Variants in CRYL1 observed in about 807,000 individuals in gnomAD.
CRYL1 encodes the protein lambda-crystallin homolog.
In CRYL1, 29 loss-of-function variants were observed where a neutral mutation model predicts 36.6. The observed-to-expected ratio is 0.79, with a 90% confidence interval of 0.59 to 1.08. The LOEUF is 1.08. Among genes scored for constraint, CRYL1 ranks in the 50% least tolerant of loss-of-function variants. The pLI, the probability that CRYL1 is intolerant of heterozygous loss-of-function variation, is 0.00. For synonymous variants in CRYL1, 152 were observed against 151.5 expected, an observed-to-expected ratio of 1.00 and a Z score of -0.02; for missense variants, 411 against 407.9, an observed-to-expected ratio of 1.01 and a Z score of -0.06.
chr13:20,432,446 T>C, intron 4 of CRYL1, 150 bp from the exon 5 acceptor site: 1 of 546,854 alleles, frequency 1.8e-6, no homozygotes, highest in East Asian at 3.0e-5. Context: ...GAGAAAGAAA[T>C]TTATTCACAA....
rs9552208 is a variant in CRYL1 at position 20,493,127 on chromosome 13, T to C, written c.150-3631A>G. Among the ~76,000 whole-genome samples, 31,578 of 152,250 alleles carry C rather than the reference T, an allele frequency of 0.21. 3,472 individuals carry two copies. Among genetic ancestry groups the C allele is most frequent in the East Asian group, 0.3 (1,555 of 5,166 alleles). On this transcript the variant is annotated intron_variant, in intron 2 of 7. Coordinates refer to ENST00000298248, the MANE Select transcript of CRYL1 (RefSeq NM_015974.3). ...TGGCTGTTACAATCGAAGCTCTAGA[T>C]TAGCAAGACTGAGCAGCCGCCAGCT...
intron 2 of CRYL1, among the ~76,000 whole-genome samples, chr13:20,511,573 A>G (rs564909041): frequency 6.6e-6 from 1 of 152,232 alleles, no homozygotes; most frequent in Non-Finnish European, 1.5e-5. Context: ...TCTTTTCAAA[A>G]TGCAGACAAT....
At chr13:20,430,181 C>A (rs1047754238) in intron 5 of CRYL1, 8 of 984,260 alleles carry the variant, frequency 8.1e-6, no homozygotes, top group Non-Finnish European at 9.7e-6. Context: ...TGTAGATAAT[C>A]CTTATTTTTA....
intron 3 of CRYL1, among the ~76,000 whole-genome samples, chr13:20,482,462 G>C (rs1252965696): frequency 6.6e-6 from 1 of 152,216 alleles, no homozygotes; most frequent in African/African-American, 2.4e-5. Context: ...CAGCTTTTCA[G>C]AGTAAACTTA....
chr13:20,488,762 G>A (rs2033448992), intron 3 of CRYL1, among the ~76,000 whole-genome samples: 1 of 152,226 alleles, frequency 6.6e-6, no homozygotes, highest in African/African-American at 2.4e-5. Context: ...TCTTCAACAG[G>A]GCAGGGCCTG....
intron 5 of CRYL1, among the ~76,000 whole-genome samples, chr13:20,421,882 G>A (rs951907117): frequency 1.3e-5 from 2 of 151,982 alleles, no homozygotes; most frequent in Admixed American, 6.6e-5. Context: ...TGTGGTTGAT[G>A]TTATTTATTT....
chr13:20,469,194 G>T (rs1330913127), intron 3 of CRYL1, among the ~76,000 whole-genome samples: 1 of 152,204 alleles, frequency 6.6e-6, no homozygotes. Context: ...TCCTAAAGCA[G>T]ATGGACCACC....
At chr13:20,517,983 A>T (rs1274169015) in intron 1 of CRYL1, among the ~76,000 whole-genome samples, 2 of 149,000 alleles carry the variant, frequency 1.3e-5, no homozygotes, top group East Asian at 3.9e-4. Context: ...GTATGAATTT[A>T]TTTGTTCAAC....
At chr13:20,426,281 TAAAAA>T (rs35582177) in intron 5 of CRYL1, among the ~76,000 whole-genome samples, 2 of 144,494 alleles carry the variant, frequency 1.4e-5, no homozygotes, top group Non-Finnish European at 3.0e-5. Context: ...TATCTTTATT[TAAAAA>T]AAAAAAAAAA....
At chr13:20,488,973 T>G (rs1477740897) in intron 3 of CRYL1, among the ~76,000 whole-genome samples, 1 of 152,258 alleles carries the variant, frequency 6.6e-6, no homozygotes, top group Non-Finnish European at 1.5e-5. Flanking sequence ...TTTTTGATGA[T>G]GTAAGCTTTT....
Position 20,420,701 on chromosome 13 carries a change from T to TTTTTTTTTTTGTGTGTG in CRYL1, c.634-7315_634-7314insCACACACAAAAAAAAAA. ...CTTTGACTTTTCTTTAAAATAGAGG[T>TTTTTTTTTTTGTGTGTG]TGTGTGTGTGTGTGTGTGTGTGTGT... is the stretch of plus-strand genomic sequence containing the variant. On this transcript the variant is annotated intron_variant, in intron 5 of 7. Coordinates refer to ENST00000298248, the MANE Select transcript of CRYL1 (RefSeq NM_015974.3). 1.6e-3 allele frequency among the ~76,000 whole-genome samples: 34 copies of TTTTTTTTTTTGTGTGTG among 21,872 alleles called. 4 individuals are homozygous for TTTTTTTTTTTGTGTGTG. The highest frequency in any genetic ancestry group is 6.5e-3 in the South Asian group (2 of 306). The allele number at this position is 21,872 out of a possible 152,430, so 14.3% of individuals were successfully genotyped here.
chr13:20,457,126 C>A (rs12870895), intron 3 of CRYL1, among the ~76,000 whole-genome samples: 37,835 of 151,938 alleles, frequency 0.25, 5,323 homozygotes, highest in Non-Finnish European at 0.32. Context: ...TGGCCCAGGG[C>A]AGCCTAGAGA....
intron 5 of CRYL1, chr13:20,431,357 G>A: frequency 1.0e-6 from 1 of 985,400 alleles, no homozygotes; most frequent in Middle Eastern, 5.2e-4. Context: ...CTTCCACAAT[G>A]TTTTTGCAAC....
intron 5 of CRYL1, chr13:20,426,912 C>T: frequency 1.0e-6 from 1 of 985,560 alleles, no homozygotes; most frequent in South Asian, 4.7e-5. Flanking sequence ...AGCAGTCCAG[C>T]ACAGGGATGA....
At chr13:20,429,236 G>T (rs1473737481) in intron 5 of CRYL1, among the ~76,000 whole-genome samples, 5 of 152,116 alleles carry the variant, frequency 3.3e-5, no homozygotes, top group Non-Finnish European at 7.4e-5. Context: ...CCCCAATTCT[G>T]CTCCTTTTCT....
rs2033463632 is a variant in CRYL1, at chr13:20,489,367, C to T, written c.276+3G>A. 6.2e-7 allele frequency: 1 copy of T among 1,613,086 alleles called. No individual in the cohort carries two copies. On this transcript the variant is annotated splice_donor_region_variant and intron_variant, in intron 3 of 7. Transcript: ENST00000298248. Reference sequence around the variant, plus strand: ...AGATGCGGCGCCAGTGTCCTTCACTCACCTGAATGTGCATGGCACCCTCTA... The same window carrying T: ...AGATGCGGCGCCAGTGTCCTTCACTTACCTGAATGTGCATGGCACCCTCTA...
chr13:20,434,856 TTACTC>T (rs2032172868), intron 4 of CRYL1, among the ~76,000 whole-genome samples: 2 of 150,958 alleles, frequency 1.3e-5, no homozygotes, highest in African/African-American at 2.4e-5. Context: ...TTACTTCTCT[TTACTC>T]TTCTCTCAAA....
intron 3 of CRYL1, among the ~76,000 whole-genome samples, chr13:20,476,658 G>A (rs992028443): frequency 6.6e-6 from 1 of 152,236 alleles, no homozygotes; most frequent in African/African-American, 2.4e-5. Flanking sequence ...CCAGCACCGA[G>A]TTCTGCAGGT....
At chr13:20,496,856 A>AAG (rs2033613777) in intron 2 of CRYL1, among the ~76,000 whole-genome samples, 4 of 151,678 alleles carry the variant, frequency 2.6e-5, no homozygotes, top group African/African-American at 9.7e-5. Context: ...AAAAAAAAAA[A>AAG]AAAAAGTGTA....
Sources: allele counts gnomAD v4.1 joint callset (sites outside exome capture counted in the v4.1 genomes callset), GRCh38; gene constraint gnomAD v4.1.1; transcripts MANE v1.5; gene names NCBI Gene and HGNC (gene_info 2026-07-23, HGNC 2026-07-21).